GPRIN3: variants seen among roughly 807,000 people sequenced by gnomAD.
GPRIN3 encodes the protein GPRIN family member 3.
GPRIN3 carries 12 observed loss-of-function variants against 13.7 expected under a neutral mutation model. The observed-to-expected ratio is 0.87, with a 90% CI of 0.56 to 1.42. GPRIN3 has a LOEUF of 1.42. Ranked by LOEUF, GPRIN3 falls within the 40% of genes most tolerant of loss-of-function variation. GPRIN3 has a pLI of 0.00. For missense variants in GPRIN3, 1,009 were observed against 958.7 expected (o/e 1.05, Z -0.69); for synonymous variants, 377 against 372.7 (o/e 1.01, Z -0.13).
At chr4:89,266,322 A>C (rs1190610233) in intron 1 of GPRIN3, among the ~76,000 whole-genome samples, 1 of 152,180 alleles carries the variant, frequency 6.6e-6, no homozygotes, top group Non-Finnish European at 1.5e-5. Flanking sequence ...CCATGACTCA[A>C]GGAATCCTGG....
Position 89,274,213 on chromosome 4 carries a change from C to G in GPRIN3, c.-123-23980G>C, listed in dbSNP as rs72872535. On this transcript the variant is annotated intron_variant, in intron 1 of 1. Transcript: ENST00000609438. ...TTGGTAATAGAAGACAAAATAACCC[C>G]GAAGTGCTATTTAACTGTGTTGTTG... Among the ~76,000 whole-genome samples the G allele has an allele frequency of 4.6e-3, 694 of 152,248 alleles. 6 individuals are homozygous for G. Among genetic ancestry groups the G allele is most frequent in the African/African-American group, 0.016 (665 of 41,542 alleles).
intron 1 of GPRIN3, among the ~76,000 whole-genome samples, chr4:89,258,639 C>T (rs992857470): frequency 3.9e-5 from 6 of 152,210 alleles, no homozygotes; most frequent in African/African-American, 1.4e-4. Flanking sequence ...GTTCCTTTGA[C>T]TCCACTTGGA....
rs529652952 is a variant in GPRIN3 at position 89,244,471 on chromosome 4, C to A, written c.*3309G>T. 1 of 152,242 alleles carries A rather than the reference C, an allele frequency of 6.6e-6. No individual in the cohort carries two copies. Among genetic ancestry groups the A allele is most frequent in the South Asian group, 2.1e-4 (1 of 4,820 alleles). The allele number at this position is 152,242 out of a possible 1,614,324, so 9.4% of individuals were successfully genotyped here. ...ATAAATATTCAATTTCAGACGTGAA[C>A]AAAAAGGTTTCTGGTTAACATTGAC... On this transcript the variant is annotated 3_prime_UTR_variant, in exon 2 of 2. Transcript: ENST00000609438.
At chr4:89,299,310 A>G (rs1257205983) in intron 1 of GPRIN3, among the ~76,000 whole-genome samples, 2 of 152,076 alleles carry the variant, frequency 1.3e-5, no homozygotes, top group Non-Finnish European at 2.9e-5. Context: ...TGAAACACCG[A>G]CACTTTAGGA....
intron 1 of GPRIN3, among the ~76,000 whole-genome samples, chr4:89,305,674 CA>C (rs1725015021): frequency 6.6e-6 from 1 of 152,188 alleles, no homozygotes; most frequent in Non-Finnish European, 1.5e-5. Context: ...GAAATTCAAA[CA>C]GTGAAGGATA....
rs1303641216 is a variant in GPRIN3 at position 89,242,607 on chromosome 4, C to T, written c.*5173G>A. ...AGTTTTTCCAGGAAGAAAGCAGAAACTATGCCTTTGCTTATTTTATCCTGT... is the reference window on the plus strand; with the variant it reads ...AGTTTTTCCAGGAAGAAAGCAGAAATTATGCCTTTGCTTATTTTATCCTGT... On this transcript the variant is annotated 3_prime_UTR_variant, in exon 2 of 2. Coordinates refer to ENST00000609438, the MANE Select transcript of GPRIN3 (RefSeq NM_198281.3). The T allele has an allele frequency of 6.6e-6, 1 of 152,168 alleles. No individual in the cohort carries two copies. Among genetic ancestry groups the T allele is most frequent in the Non-Finnish European group, 1.5e-5 (1 of 68,022 alleles). 9.4% of individuals were successfully genotyped at this position (152,168 alleles called of 1,614,324 possible). A position where few individuals can be genotyped will look rare whatever the true frequency, so the allele number is the denominator to read the frequency against.
chr4:89,273,433 G>A (rs1724012880), intron 1 of GPRIN3, among the ~76,000 whole-genome samples: 1 of 152,184 alleles, frequency 6.6e-6, no homozygotes, highest in Non-Finnish European at 1.5e-5. Context: ...TGTAATCCCA[G>A]GACTTTGGGA....
At chr4:89,306,580 C>G (rs1725038866) in intron 1 of GPRIN3, among the ~76,000 whole-genome samples, 1 of 152,116 alleles carries the variant, frequency 6.6e-6, no homozygotes. Context: ...ATGGAGCATA[C>G]CCAAGTACCG....
Position 89,249,585 on chromosome 4 carries a change from C to T in GPRIN3, c.526G>A (p.Gly176Ser). 6.2e-7 allele frequency: 1 copy of T among 1,614,162 alleles called. No individual in the cohort carries two copies. Among genetic ancestry groups the T allele is most frequent in the East Asian group, 2.2e-5 (1 of 44,878 alleles). Residue 176 changes from glycine (G) to serine (S), a missense_variant, in exon 2 of 2, where the codon GGC becomes AGC. By Grantham distance (56) the Gly-to-Ser change is moderately conservative. Coordinates refer to ENST00000609438, the MANE Select transcript of GPRIN3 (RefSeq NM_198281.3). ...TGATCTTTGCTGCTACTGAGGACGC[C>T]TCCCACAGGACAACTTGGTTTCTCA... is the stretch of plus-strand genomic sequence containing the variant. The part of the protein sequence containing the change: ...QPEKPSCPVG[G>S]VLSSSKDQVS...
chr4:89,290,603 T>C (rs1040815386), intron 1 of GPRIN3, among the ~76,000 whole-genome samples: 2 of 152,090 alleles, frequency 1.3e-5, no homozygotes, highest in African/African-American at 4.8e-5. Flanking sequence ...TCAACAGCCA[T>C]AGTACAGTGA....
chr4:89,288,558 T>A (rs1314855781), intron 1 of GPRIN3, among the ~76,000 whole-genome samples: 1 of 152,182 alleles, frequency 6.6e-6, no homozygotes, highest in African/African-American at 2.4e-5. Flanking sequence ...CTTGATAGGA[T>A]TCAACTTTGG....
intron 1 of GPRIN3, among the ~76,000 whole-genome samples, chr4:89,297,528 T>A (rs778788941): frequency 6.6e-6 from 1 of 152,202 alleles, no homozygotes; most frequent in Non-Finnish European, 1.5e-5. Context: ...TCTTTTCTTT[T>A]ATTTCCCCTA....
rs753990805 is a variant in GPRIN3, at chr4:89,243,774, G to A, written c.*4006C>T. On this transcript the variant is annotated 3_prime_UTR_variant, in exon 2 of 2. Transcript: ENST00000609438. The stretch of plus-strand genomic sequence containing the variant: ...GTCTACACAAGGCTACAAGTGCCCA[G>A]TTTTCAATAAAAACACATATACATA... 3.9e-5 allele frequency: 6 copies of A among 152,170 alleles called. No individual in the cohort carries two copies. Among genetic ancestry groups the A allele is most frequent in the Non-Finnish European group, 7.4e-5 (5 of 68,022 alleles). 9.4% of individuals were successfully genotyped at this position (152,170 alleles called of 1,614,324 possible).
At chr4:89,272,068 G>GC (rs200378037) in intron 1 of GPRIN3, among the ~76,000 whole-genome samples, 1,781 of 152,296 alleles carry the variant, frequency 0.012, 41 homozygotes, top group African/African-American at 0.037. Flanking sequence ...GACACTGACT[G>GC]CCGGAACCTT....
chr4:89,288,313 T>TTA, intron 1 of GPRIN3, among the ~76,000 whole-genome samples: 1 of 152,362 alleles, frequency 6.6e-6, no homozygotes, highest in East Asian at 1.9e-4. Context: ...ATAATCAGTA[T>TTA]GACACAAATA....
At chr4:89,291,476 G>T (rs567728016) in intron 1 of GPRIN3, among the ~76,000 whole-genome samples, 1 of 152,118 alleles carries the variant, frequency 6.6e-6, no homozygotes, top group South Asian at 2.1e-4. Context: ...TGTACTTGAC[G>T]TTCATCCCTG....
Position 89,249,798 on chromosome 4 carries a change from TC to T in GPRIN3, c.312del (p.Ser105AlafsTer22), listed in dbSNP as rs751740365. 59 of 1,614,046 alleles carry T rather than the reference TC, an allele frequency of 3.7e-5. No individual in the cohort carries two copies. The African/African-American group carries it at 7.6e-4, about 21-fold the overall frequency. The part of the protein sequence containing the change: ...FNSPGNPQLP[G>X]SSQPAASAPS... ...GGGGCTGATGCTGCGGGCTGGCTGC[TC>T]CCTGGCAGCTGGGGATTGCCGGGAG... On this transcript the variant is annotated frameshift_variant, in exon 2 of 2. Transcript: ENST00000609438. LOFTEE classifies it low-confidence loss of function (END_TRUNC).
chr4:89,269,452 G>A (rs548923236), intron 1 of GPRIN3, among the ~76,000 whole-genome samples: 6 of 152,108 alleles, frequency 3.9e-5, no homozygotes, highest in African/African-American at 7.2e-5. Flanking sequence ...CCCCATCTGC[G>A]CAGTCTTTCT....
chr4:89,280,136 C>T (rs1724205306), intron 1 of GPRIN3, among the ~76,000 whole-genome samples: 1 of 152,148 alleles, frequency 6.6e-6, no homozygotes, highest in African/African-American at 2.4e-5. Flanking sequence ...ACTAAACATC[C>T]AACTAAACTT....
Sources: gnomAD v4.1 joint callset for allele counts (sites outside exome capture counted in the v4.1 genomes callset) on GRCh38, gnomAD v4.1.1 for gene constraint, MANE v1.5 for transcripts, NCBI Gene and HGNC (gene_info 2026-07-23, HGNC 2026-07-21) for gene names.